Variants in AHNAK observed in about 807,000 individuals in gnomAD.
AHNAK encodes neuroblast differentiation-associated protein AHNAK.
In AHNAK, 23 loss-of-function variants were observed where a neutral mutation model predicts 37.8. The observed-to-expected ratio is 0.61, with a 90% CI of 0.44 to 0.86. AHNAK has a LOEUF of 0.86. Among genes scored for constraint, AHNAK ranks in the 40% least tolerant of loss-of-function variants. The pLI is 0.00. For missense variants in AHNAK, 7,411 were observed against 7,319.4 expected, an observed-to-expected ratio of 1.01 and a Z score of -0.46; for synonymous variants, 2,481 against 2,636.3, an observed-to-expected ratio of 0.94 and a Z score of 1.80.
chr11:62,530,342 T>G lies in AHNAK; in HGVS notation c.4075A>C (p.Ile1359Leu), dbSNP rs140308455. The G allele has an allele frequency of 6.7e-5, 108 of 1,613,756 alleles. No individual in the cohort carries two copies. The highest frequency in any genetic ancestry group is 1.0e-4 in the Admixed American group (6 of 59,966). Residue 1359 changes from isoleucine (I) to leucine (L), a missense_variant, in exon 5 of 5, where the codon ATT becomes CTT. Coordinates refer to ENST00000378024, the MANE Select transcript of AHNAK (RefSeq NM_001620.3). ...EGEMKVPDVD[I>L]KGPKVDISAP... ...CTAATGTCAACTTTGGGCCCTTTAA[T>G]GTCAACATCTGGCACTTTCATTTCA...
chr11:62,526,266 T>G lies in AHNAK; in HGVS notation c.8151A>C (p.Lys2717Asn). The change falls in exon 5 of 5, where the codon AAA becomes AAC. Residue 2717 changes from lysine (K) to asparagine (N), a missense_variant. Physicochemically the swap from Lys to Asn is moderately conservative, Grantham distance 94. Coordinates refer to ENST00000378024, the MANE Select transcript of AHNAK (RefSeq NM_001620.3). ...CCACATCACCCTTCACTTTGGGTCC[T>G]TTCAGGTTTAAGTCAATATCAGGCA... The part of the protein sequence containing the change: ...ISMPDIDLNL[K>N]GPKVKGDVDV... The G allele has an allele frequency of 6.2e-7, 1 of 1,613,846 alleles. No individual in the cohort carries two copies. Among genetic ancestry groups the G allele is most frequent in the Non-Finnish European group, 8.5e-7 (1 of 1,179,968 alleles).
intron 3 of AHNAK, among the ~76,000 whole-genome samples, chr11:62,535,727 G>A (rs184286881): frequency 6.6e-6 from 1 of 151,944 alleles, no homozygotes; most frequent in Non-Finnish European, 1.5e-5. Flanking sequence ...AGGACCAGGT[G>A]TCCACTACCC....
At chr11:62,438,533 G>C (rs1938230381) in intron 5 of AHNAK, among the ~76,000 whole-genome samples, 1 of 151,980 alleles carries the variant, frequency 6.6e-6, no homozygotes, top group African/African-American at 2.4e-5. Context: ...TTGATCTGCA[G>C]TACTTCAAAT....
intron 5 of AHNAK, among the ~76,000 whole-genome samples, chr11:62,469,575 G>A (rs891962718): frequency 8.6e-5 from 13 of 151,250 alleles, no homozygotes; most frequent in African/African-American, 2.9e-4. Context: ...AGCAATTGTC[G>A]TGCCTCAGCC....
At chr11:62,451,994 A>G (rs1938548535) in intron 5 of AHNAK, among the ~76,000 whole-genome samples, 1 of 148,268 alleles carries the variant, frequency 6.7e-6, no homozygotes, top group South Asian at 2.1e-4. Flanking sequence ...TTTTTTTTTT[A>G]GTAGAAACTG....
At chr11:62,469,904 C>G (rs753682170) in intron 5 of AHNAK, among the ~76,000 whole-genome samples, 13 of 152,196 alleles carry the variant, frequency 8.5e-5, no homozygotes, top group Non-Finnish European at 1.8e-4. Flanking sequence ...ACAAAAAGCA[C>G]AGTTCATCAA....
Position 62,462,207 on chromosome 11 carries a change from C to T in AHNAK, c.443-28316G>A, listed in dbSNP as rs141736900. The stretch of plus-strand genomic sequence containing the variant: ...TCCCTCTCTCACCACAGTCCCCCCA[C>T]CCCAACGCCCACCCTCCACCCGCTG... On this transcript the variant is annotated intron_variant, in intron 5 of 5. Coordinates refer to the AHNAK transcript ENST00000257247. Among the ~76,000 whole-genome samples the T allele has an allele frequency of 2.8e-3, 429 of 151,688 alleles. 4 individuals are homozygous for T. The highest frequency in any genetic ancestry group is 0.024 in the Middle Eastern group (7 of 294).
At chr11:62,443,529 C>G (rs2134785649) in intron 5 of AHNAK, among the ~76,000 whole-genome samples, 1 of 152,216 alleles carries the variant, frequency 6.6e-6, no homozygotes, top group East Asian at 1.9e-4. Flanking sequence ...GCCTCGGCCT[C>G]CCCAAGTTCT....
chr11:62,443,791 C>G (rs1938364660), intron 5 of AHNAK, among the ~76,000 whole-genome samples: 1 of 152,170 alleles, frequency 6.6e-6, no homozygotes, highest in African/African-American at 2.4e-5. Flanking sequence ...AAAGAGGAAC[C>G]TAGAAAGGCT....
At chr11:62,482,147 G>A (rs1939289243) in intron 5 of AHNAK, among the ~76,000 whole-genome samples, 1 of 152,136 alleles carries the variant, frequency 6.6e-6, no homozygotes, top group African/African-American at 2.4e-5. Flanking sequence ...GGGTGCAGTG[G>A]CTCACATCTG....
At chr11:62,486,020 C>CAAAAA (rs139783265) in intron 5 of AHNAK, among the ~76,000 whole-genome samples, 1 of 68,404 alleles carries the variant, frequency 1.5e-5, no homozygotes, top group African/African-American at 5.6e-5. Context: ...GACTTTGTCT[C>CAAAAA]AAAAAAAAAA....
chr11:62,533,460 C>G lies in AHNAK; in HGVS notation c.957G>C (p.Gly319=), dbSNP rs746291872. 6.2e-7 allele frequency: 1 copy of G among 1,614,112 alleles called. No individual in the cohort carries two copies. The highest frequency in any genetic ancestry group is 8.5e-7 in the Non-Finnish European group (1 of 1,179,992). ...CTGCCTTTGGTGTCTGGCCCTCACG[C>G]CCTGTTGAGACACCAAATTTCGGCA... The part of the protein sequence containing the change: ...MKVPKFGVST[G]REGQTPKAGL... The change falls in exon 5 of 5, where the codon GGG becomes GGC. Residue 319 remains glycine (G), a synonymous_variant. Transcript: ENST00000378024.
intron 5 of AHNAK, among the ~76,000 whole-genome samples, chr11:62,476,717 G>A (rs1360491216): frequency 6.6e-6 from 1 of 152,084 alleles, no homozygotes; most frequent in Non-Finnish European, 1.5e-5. Flanking sequence ...AGATTGTGAC[G>A]TGAGACAAAA....
chr11:62,433,918 T>C lies in AHNAK; in HGVS notation c.443-27A>G, dbSNP rs115871607. On this transcript the variant is annotated intron_variant, in intron 5 of 5. Coordinates refer to the AHNAK transcript ENST00000257247. ...TGTAAAACAACAACAAAGAGATTTA[T>C]ATTCAACACACTATTTGCATCTCTC... 5.7e-4 allele frequency: 924 copies of C among 1,610,604 alleles called. 5 individuals are homozygous for C. In the African/African-American group the frequency reaches 0.011, roughly 20 times the overall value.
chr11:62,465,227 T>TC (rs1203222716), intron 5 of AHNAK, among the ~76,000 whole-genome samples: 5 of 152,076 alleles, frequency 3.3e-5, no homozygotes, highest in East Asian at 1.9e-4. Context: ...TAGAGTTCTG[T>TC]CCCCCCCTCG....
In AHNAK at chr11:62,500,561, G is replaced by T. The variant is rs139876153; in HGVS notation, c.343-8730C>A. 4.3e-3 allele frequency among the ~76,000 whole-genome samples: 652 copies of T among 152,266 alleles called. 2 individuals are homozygous for T. Among genetic ancestry groups the T allele is most frequent in the African/African-American group, 0.015 (619 of 41,556 alleles). On this transcript the variant is annotated intron_variant, in intron 4 of 5. Coordinates refer to the AHNAK transcript ENST00000257247. ...AGCCCGATGATGACACACAGGGCGT[G>T]GTATGTGGCTCCGAACCTCCCCAGT...
Position 62,526,045 on chromosome 11 carries a change from G to A in AHNAK, c.8372C>T (p.Pro2791Leu). ...TCCTGAGACATCAATGTCAGCCTTG[G>A]GCAGGTTCACGTCCACATCTGGACC... ...GEGPDVDVNL[P>L]KADIDVSGPK... The change falls in exon 5 of 5, where the codon CCC becomes CTC. Residue 2791 changes from proline (P) to leucine (L), a missense_variant. Coordinates refer to ENST00000378024, the MANE Select transcript of AHNAK (RefSeq NM_001620.3). 2 of 1,613,520 alleles carry A rather than the reference G, an allele frequency of 1.2e-6. No individual in the cohort carries two copies. Among genetic ancestry groups the A allele is most frequent in the Non-Finnish European group, 8.5e-7 (1 of 1,179,906 alleles).
chr11:62,533,536 G>C lies in AHNAK; in HGVS notation c.881C>G (p.Pro294Arg). The C allele has an allele frequency of 6.2e-7, 1 of 1,614,138 alleles. No homozygotes were observed. Among genetic ancestry groups the C allele is most frequent in the East Asian group, 2.2e-5 (1 of 44,884 alleles). ...GCCATGATCACCACTCTCCAGAGAT[G>C]GGCCCTGTACCTCTACTGCCCTACC... The part of the protein sequence containing the change: ...LGGRAVEVQG[P>R]SLESGDHGKI... Residue 294 changes from proline to arginine, a missense_variant, in exon 5 of 5, where the codon CCA becomes CGA. Pro to Arg is a moderately radical substitution (Grantham distance 103, BLOSUM62 -2). Coordinates refer to ENST00000378024, the MANE Select transcript of AHNAK (RefSeq NM_001620.3).
intron 5 of AHNAK, among the ~76,000 whole-genome samples, chr11:62,465,647 A>G (rs558075607): frequency 6.6e-6 from 1 of 152,130 alleles, no homozygotes; most frequent in African/African-American, 2.4e-5. Context: ...AATTAAAATT[A>G]AAATTAAAAA....
Sources: allele counts gnomAD v4.1 joint callset (sites outside exome capture counted in the v4.1 genomes callset), GRCh38; gene constraint gnomAD v4.1.1; transcripts MANE v1.5; gene names NCBI Gene and HGNC (gene_info 2026-07-23, HGNC 2026-07-21).